HECTD4: variants seen among roughly 807,000 people sequenced by gnomAD.
HECTD4 encodes the protein probable E3 ubiquitin-protein ligase HECTD4.
In HECTD4, 114 loss-of-function variants were observed where a neutral mutation model predicts 471.5. That is an observed-to-expected ratio of 0.24 (90% CI 0.21 to 0.28). The LOEUF (loss-of-function observed/expected upper bound fraction) is 0.28, where lower values mean the gene tolerates loss of function less well. Ranked by LOEUF, HECTD4 falls within the 10% of genes least tolerant of loss-of-function variation. The pLI is 1.00. For synonymous variants in HECTD4, 2,012 were observed against 2,256.0 expected, an observed-to-expected ratio of 0.89 and a Z score of 3.07; for missense variants, 3,866 against 5,651.5, an observed-to-expected ratio of 0.68 and a Z score of 10.13.
intron 1 of HECTD4, among the ~76,000 whole-genome samples, chr12:112,371,115 G>C (rs576374704): frequency 5.3e-5 from 8 of 152,162 alleles, no homozygotes; most frequent in Non-Finnish European, 1.2e-4. Context: ...CCAGCAGCTC[G>C]AGCCAACAGG....
chr12:112,315,050 T>C (rs563324991), intron 2 of HECTD4, among the ~76,000 whole-genome samples: 1 of 152,370 alleles, frequency 6.6e-6, no homozygotes, highest in East Asian at 1.9e-4. Flanking sequence ...ATGCTCCTTC[T>C]GTATCCCTCT....
intron 8 of HECTD4, among the ~76,000 whole-genome samples, chr12:112,279,708 G>A (rs979914819): frequency 1.3e-5 from 2 of 152,116 alleles, no homozygotes; most frequent in East Asian, 1.9e-4. Flanking sequence ...CTCAAAATAA[G>A]AGAAGAATCC....
intron 8 of HECTD4, among the ~76,000 whole-genome samples, chr12:112,282,525 A>T (rs906298141): frequency 1.3e-5 from 2 of 152,222 alleles, no homozygotes; most frequent in South Asian, 4.1e-4. Flanking sequence ...ATAAACAAAC[A>T]CTGGAAGGAT....
At chr12:112,261,507 A>G in intron 17 of HECTD4, 78 bp from the exon 18 acceptor site, 2 of 1,312,628 alleles carry the variant, frequency 1.5e-6, no homozygotes, top group Admixed American at 3.8e-5. Flanking sequence ...GAAATGATGT[A>G]TTTAATGATG....
chr12:112,346,421 G>T (rs1001603902), intron 1 of HECTD4, among the ~76,000 whole-genome samples: 3 of 152,032 alleles, frequency 2.0e-5, no homozygotes, highest in Admixed American at 2.0e-4. Flanking sequence ...GTACATACCA[G>T]CAATTCTTAC....
At chr12:112,360,885 GAGGC>G (rs1004025743) in intron 1 of HECTD4, among the ~76,000 whole-genome samples, 4 of 151,856 alleles carry the variant, frequency 2.6e-5, no homozygotes, top group African/African-American at 9.7e-5. Context: ...TTGGGAGGCT[GAGGC>G]AGGAGAATCG....
intron 1 of HECTD4, among the ~76,000 whole-genome samples, chr12:112,369,486 C>T (rs2036629264): frequency 6.6e-6 from 1 of 151,820 alleles, no homozygotes; most frequent in Non-Finnish European, 1.5e-5. Flanking sequence ...GGATTACAGG[C>T]ACCCACCACC....
rs755177300 is a variant in HECTD4 at position 112,244,014 on chromosome 12, A to G, written c.4514-5T>C. The G allele has an allele frequency of 6.2e-7, 1 of 1,610,092 alleles. No individual in the cohort carries two copies. On this transcript the variant is annotated splice_polypyrimidine_tract_variant and splice_region_variant and intron_variant, in intron 29 of 75. Coordinates refer to ENST00000682272, the MANE Select transcript of HECTD4 (RefSeq NM_001388303.1). The stretch of plus-strand genomic sequence containing the variant: ...TTTCAGAAGCTGATTTACAAGCTAG[A>G]AAAAAAAGGAATAAAAAGGCTGACA...
At chr12:112,185,936 G>A (rs1389081095) in intron 60 of HECTD4, among the ~76,000 whole-genome samples, 1 of 152,174 alleles carries the variant, frequency 6.6e-6, no homozygotes, top group African/African-American at 2.4e-5. Context: ...TCCTCTTTTA[G>A]TCCTGATTTT....
Position 112,254,114 on chromosome 12 carries a change from A to G in HECTD4, c.3376T>C (p.Tyr1126His). 4 of 1,613,996 alleles carry G rather than the reference A, an allele frequency of 2.5e-6. No homozygotes were observed. Among genetic ancestry groups the G allele is most frequent in the Non-Finnish European group, 3.4e-6 (4 of 1,179,866 alleles). Reference sequence around the variant, plus strand: ...CCATATCCCAGTGTGTTGCCTCCATATTCAGCAACCTTCCTACTGTTTGTG... The same window carrying G: ...CCATATCCCAGTGTGTTGCCTCCATGTTCAGCAACCTTCCTACTGTTTGTG... ...PNTNSRKVAE[Y>H]GGNTLGYGSR... The change falls in exon 22 of 76, where the codon TAT becomes CAT. Residue 1126 changes from tyrosine (Y) to histidine (H), a missense_variant. Physicochemically the swap from Tyr to His is moderately conservative, Grantham distance 83. Transcript: ENST00000682272.
At chr12:112,276,373 G>T (rs2034526464) in intron 9 of HECTD4, among the ~76,000 whole-genome samples, 1 of 152,022 alleles carries the variant, frequency 6.6e-6, no homozygotes, top group African/African-American at 2.4e-5. Flanking sequence ...ATAATATGTG[G>T]TAATAGGAGG....
chr12:112,205,687 C>T (rs1429303797), intron 52 of HECTD4, among the ~76,000 whole-genome samples: 1 of 151,706 alleles, frequency 6.6e-6, no homozygotes, highest in Non-Finnish European at 1.5e-5. Context: ...CATCTCCCAG[C>T]TCAAGTGATT....
chr12:112,370,747 G>A (rs771344381), intron 1 of HECTD4, among the ~76,000 whole-genome samples: 3 of 151,886 alleles, frequency 2.0e-5, no homozygotes, highest in Non-Finnish European at 4.4e-5. Context: ...TGTTATTTCC[G>A]TTTTGTCAAG....
intron 17 of HECTD4, among the ~76,000 whole-genome samples, chr12:112,262,656 C>T (rs1322727426): frequency 6.6e-6 from 1 of 151,770 alleles, no homozygotes; most frequent in Non-Finnish European, 1.5e-5. Context: ...CACTCTGTCA[C>T]CCAGGCTGGA....
chr12:112,362,993 C>A (rs963530696), intron 1 of HECTD4, among the ~76,000 whole-genome samples: 1 of 151,352 alleles, frequency 6.6e-6, no homozygotes. Context: ...TGAGCCACTG[C>A]GCCCAGCCTC....
intron 72 of HECTD4, among the ~76,000 whole-genome samples, chr12:112,165,567 G>A (rs1318671523): frequency 6.6e-6 from 1 of 151,962 alleles, no homozygotes; most frequent in Admixed American, 6.6e-5. Context: ...TAGCCAGGAT[G>A]GTCTCAATCT....
intron 1 of HECTD4, among the ~76,000 whole-genome samples, chr12:112,367,308 AAG>A (rs1374968725): frequency 2.0e-3 from 12 of 5,958 alleles, no homozygotes; most frequent in African/African-American, 3.1e-3. Context: ...CAAAAAAAAA[AAG>A]AAAGAAAGAA....
chr12:112,204,668 C>T (rs763209322), intron 52 of HECTD4, 45 bp from the exon 53 acceptor site: 3 of 1,484,110 alleles, frequency 2.0e-6, no homozygotes, highest in East Asian at 4.6e-5. Flanking sequence ...AGAGTACACA[C>T]AGATCAACCA....
Position 112,179,930 on chromosome 12 carries a change from A to G in HECTD4, c.10988-533T>C, listed in dbSNP as rs1051520328. 6.6e-6 allele frequency among the ~76,000 whole-genome samples: 1 copy of G among 152,238 alleles called. No individual in the cohort carries two copies. The highest frequency in any genetic ancestry group is 1.5e-5 in the Non-Finnish European group (1 of 68,040). On this transcript the variant is annotated intron_variant, in intron 62 of 75. Coordinates refer to ENST00000682272, the MANE Select transcript of HECTD4 (RefSeq NM_001388303.1). This position sits in a 1 kb window ranked among gnomAD's most constrained non-coding sequence, Gnocchi z 4.3. The stretch of plus-strand genomic sequence containing the variant: ...CAAAACTGGCGCAATGAGCAGGTGA[A>G]AAAGAGTTTTCTGAGATACAAAAAA...
Sources: allele counts gnomAD v4.1 joint callset (sites outside exome capture counted in the v4.1 genomes callset), GRCh38; gene constraint gnomAD v4.1.1; non-coding constraint Gnocchi (gnomAD v3.1); transcripts MANE v1.5; gene names NCBI Gene and HGNC (gene_info 2026-07-23, HGNC 2026-07-21).